KIAA1755: variants seen among roughly 807,000 people sequenced by gnomAD.
KIAA1755 encodes the protein uncharacterized protein KIAA1755.
In KIAA1755, 68 loss-of-function variants were observed where a neutral mutation model predicts 91.7. The observed-to-expected ratio is 0.74, with a 90% CI of 0.61 to 0.91. KIAA1755 has a LOEUF of 0.91. KIAA1755 is among the 40% of genes least tolerant of loss of function. The pLI is 0.00. For missense variants in KIAA1755, 1,535 were observed against 1,494.4 expected (o/e 1.03, Z -0.45); for synonymous variants, 610 against 604.6 (o/e 1.01, Z -0.13).
At chr20:38,239,447 C>T (rs2076013922) in intron 4 of KIAA1755, 81 bp downstream of exon 4, 2 of 1,291,232 alleles carry the variant, frequency 1.5e-6, no homozygotes, top group Non-Finnish European at 2.2e-6. Flanking sequence ...TTCCCTGCCT[C>T]CCCTCCACCC....
At chr20:38,215,110 G>A (rs2075522281) in intron 13 of KIAA1755, among the ~76,000 whole-genome samples, 1 of 152,226 alleles carries the variant, frequency 6.6e-6, no homozygotes, top group Non-Finnish European at 1.5e-5. Flanking sequence ...ATCTGTCTGT[G>A]TGTCCAGGAC....
At chr20:38,223,715 G>C (rs1400196022) in intron 8 of KIAA1755, 79 bp from the exon 9 acceptor site, 1 of 1,069,766 alleles carries the variant, frequency 9.3e-7, no homozygotes, top group African/African-American at 1.6e-5. Flanking sequence ...GGAGCACAGA[G>C]GGGAGGTGGG....
chr20:38,253,384 T>A (rs1228204586), intron 1 of KIAA1755, among the ~76,000 whole-genome samples: 1 of 152,200 alleles, frequency 6.6e-6, no homozygotes, highest in Non-Finnish European at 1.5e-5. Flanking sequence ...TAATCTTAAA[T>A]ACCATTTTTA....
At chr20:38,214,826 T>C (rs926333438) in intron 13 of KIAA1755, among the ~76,000 whole-genome samples, 1 of 152,340 alleles carries the variant, frequency 6.6e-6, no homozygotes, top group East Asian at 1.9e-4. Context: ...AAAAACATAA[T>C]CTTTCTCTCC....
chr20:38,227,825 C>CGCGG (rs1161792936), intron 6 of KIAA1755, among the ~76,000 whole-genome samples: 1 of 152,204 alleles, frequency 6.6e-6, no homozygotes, highest in Non-Finnish European at 1.5e-5. Flanking sequence ...CACCAAGGGG[C>CGCGG]GCGGGGTGCC....
chr20:38,225,089 G>A (rs1175077864), intron 8 of KIAA1755, among the ~76,000 whole-genome samples: 1 of 152,108 alleles, frequency 6.6e-6, no homozygotes, highest in Non-Finnish European at 1.5e-5. Flanking sequence ...TGCCTCCTGG[G>A]TTCAAGCAAT....
At position 38,241,044 on chromosome 20, in the gene KIAA1755, G is replaced by A; in HGVS notation, c.1087C>T (p.His363Tyr). 6.2e-7 allele frequency: 1 copy of A among 1,614,132 alleles called. No homozygotes were observed. Among genetic ancestry groups the A allele is most frequent in the South Asian group, 1.1e-5 (1 of 91,088 alleles). Reference sequence around the variant, plus strand: ...CCTTGGGGCGGCCTTTCTGAGTTGTGGGTGGGTGCTTTAAGATTGACCTTT... The same window carrying A: ...CCTTGGGGCGGCCTTTCTGAGTTGTAGGTGGGTGCTTTAAGATTGACCTTT... ...RRKVNLKAPTHNSERPPQGSY... is the reference protein window; with the variant it reads ...RRKVNLKAPTYNSERPPQGSY... The change falls in exon 3 of 14, where the codon CAC (histidine) becomes TAC (tyrosine). Residue 363 changes from histidine to tyrosine, a missense_variant. Coordinates refer to ENST00000279024, the MANE Select transcript of KIAA1755 (RefSeq NM_001029864.2).
intron 1 of KIAA1755, among the ~76,000 whole-genome samples, chr20:38,247,051 C>CA (rs2076172595): frequency 6.6e-6 from 1 of 152,130 alleles, no homozygotes. Context: ...CCCTGGCAGT[C>CA]AGAGTCCAGA....
chr20:38,219,402 C>T (rs1428576679), intron 11 of KIAA1755, among the ~76,000 whole-genome samples: 1 of 152,240 alleles, frequency 6.6e-6, no homozygotes, highest in Admixed American at 6.5e-5. Flanking sequence ...AGAGTTGGCG[C>T]TCAATAAGTG....
chr20:38,215,422 CAACTCGAA>C (rs2075526956), intron 13 of KIAA1755, among the ~76,000 whole-genome samples: 1 of 152,220 alleles, frequency 6.6e-6, no homozygotes, highest in African/African-American at 2.4e-5. Context: ...GAGCCAGGAC[CAACTCGAA>C]CCCAGTCCCT....
At chr20:38,228,392 G>A (rs2075799041) in intron 5 of KIAA1755, 152 bp from the exon 6 acceptor site, 3 of 549,614 alleles carry the variant, frequency 5.5e-6, no homozygotes, top group Non-Finnish European at 9.1e-6. Context: ...GCCCCTTCTA[G>A]GAAGCCCTCC....
chr20:38,217,478 A>T lies in KIAA1755; in HGVS notation c.2680-4T>A. On this transcript the variant is annotated splice_polypyrimidine_tract_variant and splice_region_variant and intron_variant, in intron 12 of 13. Coordinates refer to ENST00000279024, the MANE Select transcript of KIAA1755 (RefSeq NM_001029864.2). ...CCAGGCCTCGGCGGTACTGGGCCTGAGAGGGGAGAGGAGGGGGCGCCCACT... is the reference window on the plus strand; with the variant it reads ...CCAGGCCTCGGCGGTACTGGGCCTGTGAGGGGAGAGGAGGGGGCGCCCACT... 1 of 1,591,684 alleles carries T rather than the reference A, an allele frequency of 6.3e-7. No individual in the cohort carries two copies. Among genetic ancestry groups the T allele is most frequent in the Non-Finnish European group, 8.6e-7 (1 of 1,167,848 alleles).
Position 38,213,574 on chromosome 20 carries a change from A to T in KIAA1755, c.3071T>A (p.Leu1024Gln), listed in dbSNP as rs755772677. 6.2e-7 allele frequency: 1 copy of T among 1,607,308 alleles called. No individual in the cohort carries two copies. Among genetic ancestry groups the T allele is most frequent in the East Asian group, 2.2e-5 (1 of 44,738 alleles). ...CTCCTGGCCCAGGCCTGCCCGGCTC[A>T]GGGAGGCCACCTGCAGCCCCACGGC... ...LAAVGLQVAS[L>Q]SRAGLGQELW... is the part of the protein sequence containing the mutation. Residue 1024 changes from leucine to glutamine, a missense_variant, in exon 14 of 14, where the codon CTG becomes CAG. Coordinates refer to ENST00000279024, the MANE Select transcript of KIAA1755 (RefSeq NM_001029864.2).
chr20:38,240,430 A>G (rs1227110323), intron 3 of KIAA1755, 152 bp downstream of exon 3: 19 of 684,674 alleles, frequency 2.8e-5, no homozygotes, highest in Non-Finnish European at 3.1e-5. Flanking sequence ...GACACATGAG[A>G]CTTCAAGCCC....
chr20:38,255,544 T>G (rs1204583144), intron 1 of KIAA1755, among the ~76,000 whole-genome samples: 1 of 152,244 alleles, frequency 6.6e-6, no homozygotes, highest in African/African-American at 2.4e-5. Context: ...TGTCAGGTTG[T>G]AATTTCCAGT....
chr20:38,213,707 C>A lies in KIAA1755; in HGVS notation c.2938G>T (p.Ala980Ser). Residue 980 changes from alanine (A) to serine (S), a missense_variant, in exon 14 of 14, where the codon GCC becomes TCC. By Grantham distance (99) the Ala-to-Ser change is moderately conservative (BLOSUM62 1). Transcript: ENST00000279024. ...GAGGTCTTGTCCAGCCTGAGCTGGGCCATCAGGTCCTGACAGTCCATGTGG... is the reference window on the plus strand; with the variant it reads ...GAGGTCTTGTCCAGCCTGAGCTGGGACATCAGGTCCTGACAGTCCATGTGG... ...WFHMDCQDLM[A>S]QLRLDKTSRV... 1.3e-6 allele frequency: 2 copies of A among 1,523,382 alleles called. No individual in the cohort carries two copies. The highest frequency in any genetic ancestry group is 2.1e-5 in the Admixed American group (1 of 46,702). The allele number at this position is 1,523,382 out of a possible 1,614,324, so 94.4% of individuals were successfully genotyped here. A position where few individuals can be genotyped will look rare whatever the true frequency, so the allele number is the denominator to read the frequency against.
In KIAA1755 at chr20:38,217,205, C is replaced by T. The variant is rs373258010; in HGVS notation, c.2901+48G>A. 64 of 1,500,328 alleles carry T rather than the reference C, an allele frequency of 4.3e-5. 1 individual carries two copies. The African/African-American group carries it at 4.8e-4, about 11-fold the overall frequency. The allele number at this position is 1,500,328 out of a possible 1,614,324, so 92.9% of individuals were successfully genotyped here. ...GGTATCCCTGTCCCCACCATAGCCC[C>T]AGCCAGGGGATCGGGGGGTATCTGT... On this transcript the variant is annotated intron_variant, in intron 13 of 13. Transcript: ENST00000279024.
At chr20:38,215,736 A>C in intron 13 of KIAA1755, among the ~76,000 whole-genome samples, 1 of 152,216 alleles carries the variant, frequency 6.6e-6, no homozygotes, top group Non-Finnish European at 1.5e-5. Context: ...TGGGGCTGAA[A>C]TTGGCTGAAA....
At chr20:38,227,032 C>A in intron 7 of KIAA1755, 122 bp downstream of exon 7, 1 of 656,266 alleles carries the variant, frequency 1.5e-6, no homozygotes. Context: ...TATTGCCTTA[C>A]ACTAGATTAC....
Sources: allele counts gnomAD v4.1 joint callset (sites outside exome capture counted in the v4.1 genomes callset), GRCh38; gene constraint gnomAD v4.1.1; transcripts MANE v1.5; gene names NCBI Gene and HGNC (gene_info 2026-07-23, HGNC 2026-07-21).